Variants in RPS6KC1 observed in about 807,000 individuals in gnomAD.
RPS6KC1 encodes inactive ribosomal protein S6 kinase delta-1.
RPS6KC1 carries 54 observed loss-of-function variants against 103.8 expected under a neutral mutation model. The observed-to-expected ratio is 0.52, with a 90% CI of 0.42 to 0.65. The LOEUF is 0.65. RPS6KC1 is among the 30% of genes least tolerant of loss of function. RPS6KC1 has a pLI of 0.00. For missense variants in RPS6KC1, 1,151 were observed against 1,253.8 expected, an observed-to-expected ratio of 0.92 and a Z score of 1.24; for synonymous variants, 439 against 438.7, an observed-to-expected ratio of 1.00 and a Z score of -0.01.
At chr1:213,290,178 G>T in the RPS6KC1 span, among the ~76,000 whole-genome samples, 1 of 146,150 alleles carries the variant, frequency 6.8e-6, no homozygotes, top group Non-Finnish European at 1.5e-5. Flanking sequence ...AGAATCAATC[G>T]GTCATGCCTC....
At chr1:213,303,225 T>G in the RPS6KC1 span, among the ~76,000 whole-genome samples, 2 of 152,196 alleles carry the variant, frequency 1.3e-5, no homozygotes, top group Non-Finnish European at 2.9e-5. Context: ...CAAGTCAGTT[T>G]CAGGATGAGC....
chr1:213,860,212 C>T, the RPS6KC1 span, among the ~76,000 whole-genome samples: 2 of 150,962 alleles, frequency 1.3e-5, no homozygotes, highest in East Asian at 3.9e-4. Flanking sequence ...GGCTTATGCT[C>T]TTAATTTTAT....
the RPS6KC1 span, among the ~76,000 whole-genome samples, chr1:213,570,020 T>G: frequency 6.6e-6 from 1 of 152,196 alleles, no homozygotes; most frequent in Non-Finnish European, 1.5e-5. Context: ...GAGCTAGGAA[T>G]GCAAGGGGTA....
chr1:213,562,766 C>T, the RPS6KC1 span, among the ~76,000 whole-genome samples: 4,727 of 152,128 alleles, frequency 0.031, 298 homozygotes, highest in East Asian at 0.29. Context: ...TGGGCACAGG[C>T]GATCCTCCCA....
chr1:213,549,318 A>G, the RPS6KC1 span, among the ~76,000 whole-genome samples: 1 of 152,176 alleles, frequency 6.6e-6, no homozygotes. Context: ...AGATGGACTA[A>G]CCAAGGAAGG....
the RPS6KC1 span, among the ~76,000 whole-genome samples, chr1:213,460,936 TA>T: frequency 6.6e-6 from 1 of 152,222 alleles, no homozygotes; most frequent in Admixed American, 6.5e-5. Flanking sequence ...TTCTGGCATG[TA>T]AGGTTTCTGC....
chr1:213,345,141 T>C, the RPS6KC1 span, among the ~76,000 whole-genome samples: 1 of 152,214 alleles, frequency 6.6e-6, no homozygotes. Context: ...ATACAGTTTA[T>C]TTACTCAAGA....
At chr1:213,777,107 T>C in the RPS6KC1 span, among the ~76,000 whole-genome samples, 1 of 152,292 alleles carries the variant, frequency 6.6e-6, no homozygotes, top group East Asian at 1.9e-4. Context: ...ATATCAGCAA[T>C]AGGGCTGTTT....
chr1:213,122,022 C>A (rs1432922662), intron 5 of RPS6KC1, among the ~76,000 whole-genome samples: 1 of 152,124 alleles, frequency 6.6e-6, no homozygotes, highest in Non-Finnish European at 1.5e-5. Flanking sequence ...CTTGAATTAA[C>A]TATTTTAAAG....
chr1:213,399,149 G>A, the RPS6KC1 span, among the ~76,000 whole-genome samples: 1 of 152,228 alleles, frequency 6.6e-6, no homozygotes, highest in Non-Finnish European at 1.5e-5. Context: ...ATATTACTGA[G>A]TACAGACTAT....
intron 5 of RPS6KC1, among the ~76,000 whole-genome samples, chr1:213,120,958 G>A (rs1235889248): frequency 6.6e-6 from 1 of 152,116 alleles, no homozygotes; most frequent in Non-Finnish European, 1.5e-5. Flanking sequence ...CTGGGTGTCT[G>A]TTTATTTGTT....
At position 213,273,573 on chromosome 1, in the gene RPS6KC1, G is replaced by A. The variant is rs2095088939; in HGVS notation, c.*939G>A. Reference sequence around the variant, plus strand: ...GTTTCTACCATTGCTTCTCATGCTTGACTTTGTTTTACTTTTTGGCTTGGT... The same window carrying A: ...GTTTCTACCATTGCTTCTCATGCTTAACTTTGTTTTACTTTTTGGCTTGGT... On this transcript the variant is annotated 3_prime_UTR_variant, in exon 15 of 15. Transcript: ENST00000366960. 1 of 152,360 alleles carries A rather than the reference G, an allele frequency of 6.6e-6. No homozygotes were observed. The highest frequency in any genetic ancestry group is 2.4e-5 in the African/African-American group (1 of 41,352). The allele number at this position is 152,360 out of a possible 1,614,324, so 9.4% of individuals were successfully genotyped here.
At chr1:213,107,622 A>G (rs1002938536) in intron 4 of RPS6KC1, among the ~76,000 whole-genome samples, 10 of 152,184 alleles carry the variant, frequency 6.6e-5, no homozygotes, top group Admixed American at 6.5e-4. Context: ...ATATTTGCCT[A>G]CAAATCTTTG....
chr1:213,093,208 CTTTT>C (rs778283618), intron 3 of RPS6KC1, among the ~76,000 whole-genome samples: 1 of 136,204 alleles, frequency 7.3e-6, no homozygotes, highest in Non-Finnish European at 1.6e-5. Context: ...TAATAATCTA[CTTTT>C]TTTTTTTTTT....
At chr1:213,749,855 G>C in the RPS6KC1 span, among the ~76,000 whole-genome samples, 2 of 152,182 alleles carry the variant, frequency 1.3e-5, no homozygotes, top group African/African-American at 2.4e-5. Flanking sequence ...CAGTAAGCTG[G>C]GGAGATGAGT....
At chr1:213,636,560 A>G in the RPS6KC1 span, among the ~76,000 whole-genome samples, 1 of 152,212 alleles carries the variant, frequency 6.6e-6, no homozygotes, top group Non-Finnish European at 1.5e-5. Flanking sequence ...CTGGCTAGCC[A>G]TATGTAGAAA....
chr1:213,666,322 C>T, the RPS6KC1 span, among the ~76,000 whole-genome samples: 8 of 152,192 alleles, frequency 5.3e-5, no homozygotes, highest in African/African-American at 1.9e-4. Flanking sequence ...GACCAATTAT[C>T]TCCTCAAGTC....
the RPS6KC1 span, among the ~76,000 whole-genome samples, chr1:213,352,167 A>C: frequency 6.6e-6 from 1 of 152,018 alleles, no homozygotes; most frequent in Admixed American, 6.6e-5. Context: ...TTATTTTTTA[A>C]CTGCAGGTGC....
At chr1:213,538,236 G>A in the RPS6KC1 span, among the ~76,000 whole-genome samples, 1 of 152,318 alleles carries the variant, frequency 6.6e-6, no homozygotes, top group South Asian at 2.1e-4. Context: ...TGTCAACCCT[G>A]TGGCAAATTT....
Sources: gnomAD v4.1 joint callset for allele counts (sites outside exome capture counted in the v4.1 genomes callset) on GRCh38, gnomAD v4.1.1 for gene constraint, MANE v1.5 for transcripts, NCBI Gene and HGNC (gene_info 2026-07-23, HGNC 2026-07-21) for gene names.